Variants in LSG1 observed in about 807,000 individuals in gnomAD.
LSG1 encodes large 60S subunit nuclear export GTPase 1.
A neutral mutation model predicts 82.6 loss-of-function variants in LSG1; 55 were observed. That is an observed-to-expected ratio of 0.67 (90% CI 0.54 to 0.83). The LOEUF is 0.83. LSG1 is among the 40% of genes least tolerant of loss of function. The pLI is 0.00. For missense variants in LSG1, 809 were observed against 807.9 expected, an observed-to-expected ratio of 1.00 and a Z score of -0.02; for synonymous variants, 272 against 282.5, an observed-to-expected ratio of 0.96 and a Z score of 0.37.
At chr3:194,647,959 A>ATCACCTT (rs1231534031) in intron 11 of LSG1, among the ~76,000 whole-genome samples, 1 of 152,146 alleles carries the variant, frequency 6.6e-6, no homozygotes, top group Non-Finnish European at 1.5e-5. Context: ...TTCATATCAA[A>ATCACCTT]TCACCTTTCA....
intron 5 of LSG1, among the ~76,000 whole-genome samples, chr3:194,664,675 G>C (rs1718995812): frequency 1.3e-5 from 2 of 152,120 alleles, no homozygotes; most frequent in Admixed American, 6.5e-5. Flanking sequence ...TAGCACTTTG[G>C]GAGGCTGAGG....
intron 10 of LSG1, 47 bp from the exon 11 acceptor site, chr3:194,648,851 C>G: frequency 1.2e-6 from 2 of 1,607,906 alleles, no homozygotes; most frequent in East Asian, 4.5e-5. Flanking sequence ...CCCTCCTCCC[C>G]ATGGCATACA....
At chr3:194,657,115 T>C (rs1191842112) in intron 7 of LSG1, among the ~76,000 whole-genome samples, 2 of 151,710 alleles carry the variant, frequency 1.3e-5, no homozygotes, top group East Asian at 1.9e-4. Context: ...AACCTGCACA[T>C]TGTGCACATG....
At chr3:194,645,531 G>GACACAC (rs1718511520) in intron 12 of LSG1, 8 of 35,112 alleles carry the variant, frequency 2.3e-4, no homozygotes, top group African/African-American at 5.4e-4. Flanking sequence ...CACACACACA[G>GACACAC]ACAGACACAC....
At chr3:194,643,038 A>C (rs1044928574) in intron 13 of LSG1, among the ~76,000 whole-genome samples, 1 of 152,202 alleles carries the variant, frequency 6.6e-6, no homozygotes, top group Non-Finnish European at 1.5e-5. Context: ...AAATACAAAA[A>C]CATTCTCTGG....
Position 194,641,893 on chromosome 3 carries a change from G to C in LSG1, c.*175C>G. The C allele has an allele frequency of 3.4e-6, 2 of 585,300 alleles. No homozygotes were observed. Among genetic ancestry groups the C allele is most frequent in the Non-Finnish European group, 5.7e-6 (2 of 349,244 alleles). The allele number at this position is 585,300 out of a possible 1,614,324, so 36.3% of individuals were successfully genotyped here. ...CAGATGACTCCTTTTTGTCAGAGTTGGTGTTTCCAGGAGGCCCTTGGTCTT... is the reference window on the plus strand; with the variant it reads ...CAGATGACTCCTTTTTGTCAGAGTTCGTGTTTCCAGGAGGCCCTTGGTCTT... On this transcript the variant is annotated 3_prime_UTR_variant, in exon 14 of 14. Transcript: ENST00000265245.
Position 194,642,002 on chromosome 3 carries a change from G to A in LSG1, c.*66C>T, listed in dbSNP as rs993261994. On this transcript the variant is annotated 3_prime_UTR_variant, in exon 14 of 14. Coordinates refer to ENST00000265245, the MANE Select transcript of LSG1 (RefSeq NM_018385.3). Reference sequence around the variant, plus strand: ...CTAGTGTCTTGGGACGGTTCCACAGGCAACAGGCAGCTTCTGCTCTTTTCC... The same window carrying A: ...CTAGTGTCTTGGGACGGTTCCACAGACAACAGGCAGCTTCTGCTCTTTTCC... 4.5e-6 allele frequency: 7 copies of A among 1,546,300 alleles called. No homozygotes were observed. In the African/African-American group the frequency reaches 9.6e-5, roughly 21 times the overall value.
intron 12 of LSG1, among the ~76,000 whole-genome samples, chr3:194,645,555 C>CACACAG (rs1718521840): frequency 2.2e-5 from 1 of 44,498 alleles, no homozygotes; most frequent in African/African-American, 7.2e-5. Context: ...CACACACACA[C>CACACAG]ACACACACAC....
chr3:194,641,911 T>G lies in LSG1; in HGVS notation c.*157A>C. 1.5e-6 allele frequency: 1 copy of G among 689,650 alleles called. No homozygotes were observed. Among genetic ancestry groups the G allele is most frequent in the Non-Finnish European group, 2.3e-6 (1 of 431,552 alleles). 42.7% of individuals were successfully genotyped at this position (689,650 alleles called of 1,614,324 possible). A position where few individuals can be genotyped will look rare whatever the true frequency, so the allele number is the denominator to read the frequency against. On this transcript the variant is annotated 3_prime_UTR_variant, in exon 14 of 14. Transcript: ENST00000265245. ...CAGAGTTGGTGTTTCCAGGAGGCCC[T>G]TGGTCTTGACATGGAGACTGTTGGG...
intron 7 of LSG1, among the ~76,000 whole-genome samples, chr3:194,655,344 A>T (rs1219955901): frequency 1.3e-5 from 2 of 152,284 alleles, no homozygotes; most frequent in East Asian, 3.9e-4. Flanking sequence ...GCAGAAACTA[A>T]TCTCTTCCAT....
In LSG1 at chr3:194,644,390, ATAAATAAAT is replaced by A. The variant is rs1560218832; in HGVS notation, c.1797+174_1797+182del. On this transcript the variant is annotated intron_variant, in intron 13 of 13. Transcript: ENST00000265245. Reference sequence around the variant, plus strand: ...TCTCAAAAAAAAAAAATAAAAATAAATAAATAAATAAATAAATAAATAAATAAATAAATA... The same window carrying A: ...TCTCAAAAAAAAAAAATAAAAATAAAAAATAAATAAATAAATAAATAAATA... 2.7e-3 allele frequency among the ~76,000 whole-genome samples: 275 copies of A among 102,596 alleles called. 6 individuals carry two copies. Among genetic ancestry groups the A allele is most frequent in the Non-Finnish European group, 4.9e-3 (227 of 46,482 alleles). 67.3% of individuals were successfully genotyped at this position (102,596 alleles called of 152,430 possible). A position where few individuals can be genotyped will look rare whatever the true frequency, so the allele number is the denominator to read the frequency against.
In LSG1 at chr3:194,642,149, C is replaced by T. The variant is rs757153927; in HGVS notation, c.1896G>A (p.Gly632=). The T allele has an allele frequency of 6.2e-7, 1 of 1,614,034 alleles. No individual in the cohort carries two copies. The highest frequency in any genetic ancestry group is 1.7e-5 in the Admixed American group (1 of 60,016). The change falls in exon 14 of 14, where the codon GGG becomes GGA. Residue 632 remains glycine (G), a synonymous_variant. Coordinates refer to ENST00000265245, the MANE Select transcript of LSG1 (RefSeq NM_018385.3). Reference sequence around the variant, plus strand: ...CATGTTTTTTCCAGGGCTTCCCCGCCCCGTTCTCAGAGCTCGCAGTGGATG... The same window carrying T: ...CATGTTTTTTCCAGGGCTTCCCCGCTCCGTTCTCAGAGCTCGCAGTGGATG... ...VTASTASSEN[G]AGKPWKKHGN...
At chr3:194,650,664 T>G in intron 10 of LSG1, 1 of 433,060 alleles carries the variant, frequency 2.3e-6, no homozygotes, top group Non-Finnish European at 4.0e-6. Context: ...ACTGAGTATC[T>G]GAAACCTGGA....
At chr3:194,660,367 G>C (rs1718901712) in intron 5 of LSG1, among the ~76,000 whole-genome samples, 2 of 152,202 alleles carry the variant, frequency 1.3e-5, no homozygotes, top group African/African-American at 4.8e-5. Flanking sequence ...TGGGAGCCCA[G>C]GCAGCCTGGA....
intron 6 of LSG1, among the ~76,000 whole-genome samples, chr3:194,659,520 A>T (rs1434859494): frequency 6.6e-6 from 1 of 152,180 alleles, no homozygotes; most frequent in Admixed American, 6.5e-5. Context: ...TAAATAAATA[A>T]TATGTATTAC....
At chr3:194,645,589 C>CACACACACACACACAGACAG (rs1718531160) in intron 12 of LSG1, among the ~76,000 whole-genome samples, 1 of 93,254 alleles carries the variant, frequency 1.1e-5, no homozygotes, top group African/African-American at 4.9e-5. Context: ...CACACACACA[C>CACACACACACACACAGACAG]ACACACACAC....
At chr3:194,666,069 G>T in intron 4 of LSG1, 134 bp downstream of exon 4, 1 of 745,038 alleles carries the variant, frequency 1.3e-6, no homozygotes, top group Non-Finnish European at 2.3e-6. Flanking sequence ...ACATCTATTT[G>T]CACTTGTTAG....
chr3:194,649,521 CAAA>C (rs558856677), intron 10 of LSG1, among the ~76,000 whole-genome samples: 4 of 121,718 alleles, frequency 3.3e-5, no homozygotes, highest in African/African-American at 1.2e-4. Context: ...CCATCTCTAC[CAAA>C]AAAAAAAAAA....
chr3:194,652,071 C>A (rs532876473), intron 8 of LSG1, among the ~76,000 whole-genome samples: 6 of 152,268 alleles, frequency 3.9e-5, no homozygotes, highest in Non-Finnish European at 8.8e-5. Context: ...TTAAACATGC[C>A]ATGACCTCCT....
Sources: gnomAD v4.1 joint callset for allele counts (sites outside exome capture counted in the v4.1 genomes callset) on GRCh38, gnomAD v4.1.1 for gene constraint, MANE v1.5 for transcripts, NCBI Gene and HGNC (gene_info 2026-07-23, HGNC 2026-07-21) for gene names.